Variants in ING5 observed in about 807,000 individuals in gnomAD.
ING5 encodes inhibitor of growth family member 5.
In ING5, 17 loss-of-function variants were observed where a neutral mutation model predicts 37.4. That is an observed-to-expected ratio of 0.45 (90% CI 0.31 to 0.68). The LOEUF (loss-of-function observed/expected upper bound fraction) is 0.68. Ranked by LOEUF, ING5 falls within the 30% of genes least tolerant of loss-of-function variation. The probability of loss-of-function intolerance (pLI) is 0.05; values close to 1 mark genes in which losing one functional copy is unlikely to be tolerated. For missense variants in ING5, 233 were observed against 311.9 expected (o/e 0.75, Z 1.91); for synonymous variants, 123 against 116.6 (o/e 1.06, Z -0.36).
At chr2:241,719,642 G>A in intron 5 of ING5, 1 of 1,535,564 alleles carries the variant, frequency 6.5e-7, no homozygotes, top group Non-Finnish European at 8.7e-7. Context: ...TGCAGGCACT[G>A]GGGGTCCTCG....
intron 5 of ING5, among the ~76,000 whole-genome samples, chr2:241,717,418 TC>T (rs1358860191): frequency 2.0e-5 from 3 of 152,156 alleles, no homozygotes; most frequent in Non-Finnish European, 4.4e-5. Context: ...AAATTTTTTT[TC>T]CATACATATT....
At chr2:241,698,099 AAG>A, upstream of ING5, among the ~76,000 whole-genome samples, 1 of 151,256 alleles carries the variant, frequency 6.6e-6, no homozygotes, top group East Asian at 2.0e-4. Flanking sequence ...AAAAAAAAAA[AAG>A]CACAAGGCAG....
chr2:241,694,682 A>C (rs1002923647), intron 2 of ING5, among the ~76,000 whole-genome samples: 1 of 150,472 alleles, frequency 6.6e-6, no homozygotes, highest in African/African-American at 2.4e-5. Context: ...GGTTGGTATA[A>C]CCTTCCCTTT....
chr2:241,724,689 C>T (rs1432729252), intron 7 of ING5: 12 of 459,700 alleles, frequency 2.6e-5, no homozygotes, highest in Non-Finnish European at 4.8e-5. Context: ...AGGGCACCAG[C>T]GACCCTGCCA....
chr2:241,710,116 T>TTAG (rs200318431), intron 3 of ING5, among the ~76,000 whole-genome samples: 5,277 of 150,514 alleles, frequency 0.035, 135 homozygotes, highest in Middle Eastern at 0.077. Flanking sequence ...ATTATTATTA[T>TTAG]TATTTTTGAG....
intron 3 of ING5, among the ~76,000 whole-genome samples, chr2:241,710,763 T>C (rs561855410): frequency 2.6e-4 from 40 of 151,950 alleles, no homozygotes; most frequent in Non-Finnish European, 4.6e-4. Context: ...GGATTACAGG[T>C]ATGAGCCACC....
At chr2:241,717,502 C>T (rs2070307158) in intron 5 of ING5, among the ~76,000 whole-genome samples, 1 of 152,118 alleles carries the variant, frequency 6.6e-6, no homozygotes, top group African/African-American at 2.4e-5. Context: ...AGAACTTTAA[C>T]ATTTTTTGCA....
chr2:241,710,902 C>T (rs1457468712), intron 3 of ING5, among the ~76,000 whole-genome samples: 3 of 151,788 alleles, frequency 2.0e-5, no homozygotes, highest in Non-Finnish European at 2.9e-5. Flanking sequence ...CGTGAGCCAC[C>T]GCGCCTGCCC....
At chr2:241,698,501 G>A (rs1278882561), upstream of ING5, among the ~76,000 whole-genome samples, 1 of 11,602 alleles carries the variant, frequency 8.6e-5, no homozygotes, top group East Asian at 7.6e-4. Context: ...AGAGGAGTGT[G>A]TGTGTGTGTG....
intron 5 of ING5, chr2:241,721,621 C>G (rs1259682075): frequency 2.0e-6 from 2 of 985,360 alleles, no homozygotes; most frequent in African/African-American, 1.7e-5. Context: ...GACTGTTTTT[C>G]TCACGGCCAC....
At position 241,725,126 on chromosome 2, in the gene ING5, T is replaced by A; in HGVS notation, c.*95T>A. 2.3e-6 allele frequency: 3 copies of A among 1,304,208 alleles called. No homozygotes were observed. Among genetic ancestry groups the A allele is most frequent in the Non-Finnish European group, 3.3e-6 (3 of 902,708 alleles). The allele number at this position is 1,304,208 out of a possible 1,614,324, so 80.8% of individuals were successfully genotyped here. ...TCCTTTTAAAACTACCTTGTTCGGT[T>A]GATACTTAGTAACTCCGTGGCCAGT... On this transcript the variant is annotated 3_prime_UTR_variant, in exon 8 of 8. Transcript: ENST00000313552.
At chr2:241,701,830 C>T (rs1166162903), upstream of ING5, among the ~76,000 whole-genome samples, 1 of 151,938 alleles carries the variant, frequency 6.6e-6, no homozygotes, top group East Asian at 1.9e-4. Context: ...CCTCCTCGGC[C>T]TCCGATCCGC....
At position 241,723,284 on chromosome 2, in the gene ING5, AC is replaced by A; in HGVS notation, c.680+14del. On this transcript the variant is annotated intron_variant, in intron 7 of 7. Transcript: ENST00000313552. ...CCAAAGGAAAATGGTGAGTGTGGGG[AC>A]GCTCGCTCTGTTTTCTCCCAGTCTG... 6.2e-7 allele frequency: 1 copy of A among 1,613,606 alleles called. No individual in the cohort carries two copies. The highest frequency in any genetic ancestry group is 8.5e-7 in the Non-Finnish European group (1 of 1,179,546).
At chr2:241,688,386 C>G (rs919453444) in intron 1 of ING5, among the ~76,000 whole-genome samples, 1 of 152,196 alleles carries the variant, frequency 6.6e-6, no homozygotes, top group Non-Finnish European at 1.5e-5. Context: ...GGTTTTTTCC[C>G]CATGAGCTCT....
intron 2 of ING5, among the ~76,000 whole-genome samples, chr2:241,705,337 C>G (rs989638083): frequency 1.2e-4 from 18 of 151,644 alleles, no homozygotes; most frequent in Non-Finnish European, 2.6e-4. Context: ...CTCAGCCTCC[C>G]AAAGTGCTGG....
intron 5 of ING5, among the ~76,000 whole-genome samples, chr2:241,714,049 A>G (rs1475428723): frequency 6.6e-6 from 1 of 152,106 alleles, no homozygotes; most frequent in African/African-American, 2.4e-5. Context: ...GATACAGAAA[A>G]CCGCACAGAA....
At chr2:241,689,829 G>A (rs536446236) in intron 1 of ING5, 1 of 151,838 alleles carries the variant, frequency 6.6e-6, no homozygotes, top group South Asian at 2.1e-4. Context: ...CCATCTTGTT[G>A]CCTTCCAGAG....
exon 1 of ING5, chr2:241,687,304 CGGGGCCCAGTGCA>C (rs1194130918): frequency 2.3e-5 from 9 of 398,492 alleles, no homozygotes; most frequent in Admixed American, 1.3e-4. Context: ...TCCCGAAGCG[CGGGGCCCAGTGCA>C]GGGGCTCAGC....
intron 2 of ING5, among the ~76,000 whole-genome samples, chr2:241,693,652 C>CTT (rs1185556171): frequency 0.018 from 1,436 of 78,528 alleles, 82 homozygotes; most frequent in African/African-American, 0.045. Context: ...AAATACAACT[C>CTT]TTTTTTTTTT....
Sources: allele counts gnomAD v4.1 joint callset (sites outside exome capture counted in the v4.1 genomes callset), GRCh38; gene constraint gnomAD v4.1.1; transcripts MANE v1.5; gene names NCBI Gene and HGNC (gene_info 2026-07-23, HGNC 2026-07-21).